XRCC6: variants seen among roughly 807,000 people sequenced by gnomAD.
XRCC6 encodes the protein DNA repair protein Ku70.
In XRCC6, 5 loss-of-function variants were observed where a neutral mutation model predicts 65.7. That is an observed-to-expected ratio of 0.08 (90% confidence interval 0.04 to 0.16). The LOEUF (loss-of-function observed/expected upper bound fraction) is 0.16. Among genes scored for constraint, XRCC6 ranks in the 10% least tolerant of loss-of-function variants. The pLI is 1.00. For missense variants in XRCC6, 447 were observed against 738.1 expected, an observed-to-expected ratio of 0.61 and a Z score of 4.57; for synonymous variants, 270 against 270.6, an observed-to-expected ratio of 1.00 and a Z score of 0.02.
intron 3 of XRCC6, among the ~76,000 whole-genome samples, chr22:41,631,145 C>T (rs1324941326): frequency 5.6e-4 from 83 of 147,618 alleles, no homozygotes; most frequent in Non-Finnish European, 1.1e-3. Flanking sequence ...GGGGGGCTGA[C>T]CCCCCCACCT....
chr22:41,649,284 A>G (rs1317914135), intron 7 of XRCC6, among the ~76,000 whole-genome samples: 3 of 150,190 alleles, frequency 2.0e-5, no homozygotes, highest in Non-Finnish European at 4.4e-5. Context: ...CTCCCACCTC[A>G]GCCACCTGGG....
At chr22:41,651,945 G>A (rs1019552719) in intron 8 of XRCC6, among the ~76,000 whole-genome samples, 10 of 151,138 alleles carry the variant, frequency 6.6e-5, no homozygotes, top group Admixed American at 3.3e-4. Context: ...CACCACGCCC[G>A]GCTAAATTCT....
chr22:41,622,454 C>T (rs2067619490), intron 2 of XRCC6, among the ~76,000 whole-genome samples: 1 of 152,086 alleles, frequency 6.6e-6, no homozygotes, highest in Non-Finnish European at 1.5e-5. Flanking sequence ...ATAACTACAC[C>T]AACCAAAGAA....
rs376623627 is a variant in XRCC6, at chr22:41,650,707, C to T, written c.961-16C>T. 56 of 1,609,712 alleles carry T rather than the reference C, an allele frequency of 3.5e-5. No individual in the cohort carries two copies. The highest frequency in any genetic ancestry group is 5.0e-5 in the Admixed American group (3 of 59,846). On this transcript the variant is annotated splice_polypyrimidine_tract_variant and intron_variant, in intron 7 of 12. Transcript: ENST00000360079. Reference sequence around the variant, plus strand: ...CGTAGCCTTCCCATTTGATCCTTGTCGTTCTTCTCCTTCAGATCTATGGGA... The same window carrying T: ...CGTAGCCTTCCCATTTGATCCTTGTTGTTCTTCTCCTTCAGATCTATGGGA...
intron 3 of XRCC6, among the ~76,000 whole-genome samples, chr22:41,635,708 G>GT (rs132772): frequency 0.69 from 103,137 of 149,376 alleles, 37,144 homozygotes; most frequent in East Asian, 0.92. Flanking sequence ...TAATTTTTTT[G>GT]TTTTTTTTTG....
intron 8 of XRCC6, among the ~76,000 whole-genome samples, chr22:41,651,295 C>G (rs971530151): frequency 7.0e-6 from 1 of 142,938 alleles, no homozygotes; most frequent in African/African-American, 2.6e-5. Context: ...GAGACTCTGT[C>G]TCAAAAAAAC....
intron 2 of XRCC6, among the ~76,000 whole-genome samples, chr22:41,625,823 T>C (rs1310377672): frequency 6.6e-6 from 1 of 152,160 alleles, no homozygotes; most frequent in Non-Finnish European, 1.5e-5. Context: ...AACAAGACTG[T>C]TTCTAAAATA....
At chr22:41,632,902 G>A (rs925948943) in intron 3 of XRCC6, among the ~76,000 whole-genome samples, 14 of 151,904 alleles carry the variant, frequency 9.2e-5, no homozygotes, top group African/African-American at 3.4e-4. Flanking sequence ...GCCGAGGTGG[G>A]CGGATCACGA....
intron 6 of XRCC6, among the ~76,000 whole-genome samples, chr22:41,643,587 G>A (rs1393552400): frequency 2.6e-5 from 4 of 152,134 alleles, no homozygotes; most frequent in Admixed American, 6.5e-5. Context: ...TTGGGAGGCC[G>A]AGACGGGTGG....
At chr22:41,642,597 A>G (rs1170396010) in intron 6 of XRCC6, among the ~76,000 whole-genome samples, 1 of 152,120 alleles carries the variant, frequency 6.6e-6, no homozygotes, top group African/African-American at 2.4e-5. Flanking sequence ...TGTTTTGTCT[A>G]TTTCTGTGAA....
Position 41,663,850 on chromosome 22 carries a change from G to A in XRCC6, c.*35G>A. 1 of 1,596,896 alleles carries A rather than the reference G, an allele frequency of 6.3e-7. No individual in the cohort carries two copies. Among genetic ancestry groups the A allele is most frequent in the Non-Finnish European group, 8.6e-7 (1 of 1,168,328 alleles). On this transcript the variant is annotated 3_prime_UTR_variant, in exon 13 of 13. Transcript: ENST00000360079. ...GCGCGTCCAGCTGCCCTTCCGCAGT[G>A]TGGCCAGGCTGCCTGGCCTTGTCCT...
chr22:41,649,574 G>T (rs1449422539), intron 7 of XRCC6, among the ~76,000 whole-genome samples: 1 of 152,054 alleles, frequency 6.6e-6, no homozygotes, highest in Non-Finnish European at 1.5e-5. Context: ...AGATGTGGTG[G>T]CCGGGTGCGG....
At chr22:41,631,227 G>T (rs1393971825) in intron 3 of XRCC6, among the ~76,000 whole-genome samples, 4 of 150,744 alleles carry the variant, frequency 2.7e-5, no homozygotes. Context: ...GGGCAGAGGC[G>T]CCCCTCACCT....
intron 7 of XRCC6, among the ~76,000 whole-genome samples, chr22:41,649,342 A>ATT (rs895234704): frequency 7.2e-6 from 1 of 139,306 alleles, no homozygotes. Flanking sequence ...AATTTTTTGT[A>ATT]TTTTTTTTTT....
At chr22:41,654,280 G>A (rs1381850674) in intron 9 of XRCC6, among the ~76,000 whole-genome samples, 1 of 152,060 alleles carries the variant, frequency 6.6e-6, no homozygotes, top group Non-Finnish European at 1.5e-5. Context: ...CTTTCCCTCG[G>A]GGTGGTTTTA....
intron 5 of XRCC6, 31 bp downstream of exon 5, chr22:41,636,801 G>C: frequency 6.3e-7 from 1 of 1,597,366 alleles, no homozygotes; most frequent in Non-Finnish European, 8.5e-7. Context: ...TCTTAAATTG[G>C]CACTTAATTA....
intron 12 of XRCC6, among the ~76,000 whole-genome samples, chr22:41,662,444 T>C (rs551291190): frequency 9.2e-5 from 14 of 152,306 alleles, no homozygotes; most frequent in African/African-American, 3.4e-4. Context: ...TCAGCACAAA[T>C]GGAATAATAC....
chr22:41,635,882 AG>A (rs1266675664), intron 3 of XRCC6, among the ~76,000 whole-genome samples: 1 of 152,116 alleles, frequency 6.6e-6, no homozygotes, highest in Non-Finnish European at 1.5e-5. Flanking sequence ...TTTCAATGGC[AG>A]GGACTGCTTA....
chr22:41,643,282 G>A (rs149635577), intron 6 of XRCC6, among the ~76,000 whole-genome samples: 57 of 151,934 alleles, frequency 3.8e-4, no homozygotes, highest in East Asian at 5.8e-4. Context: ...GGTGGTGGGC[G>A]CCTGTAGTCC....
Sources: allele counts gnomAD v4.1 joint callset (sites outside exome capture counted in the v4.1 genomes callset), GRCh38; gene constraint gnomAD v4.1.1; transcripts MANE v1.5; gene names NCBI Gene and HGNC (gene_info 2026-07-23, HGNC 2026-07-21).